ZNF41: variants seen among roughly 807,000 people sequenced by gnomAD.
ZNF41 encodes the protein zinc finger protein 41.
ZNF41 carries 6 observed loss-of-function variants against 9.3 expected under a neutral mutation model. The observed-to-expected ratio is 0.65, with a 90% CI of 0.35 to 1.28. The LOEUF (loss-of-function observed/expected upper bound fraction) is 1.28. ZNF41 is among the 50% of genes most tolerant of loss of function. The pLI, the probability that ZNF41 is intolerant of heterozygous loss-of-function variation, is 0.03. For missense variants in ZNF41, 523 were observed against 585.8 expected (o/e 0.89, Z 1.11); for synonymous variants, 192 against 207.1 (o/e 0.93, Z 0.63).
At chrX:47,476,300 C>A (rs560371532) in intron 1 of ZNF41, among the ~76,000 whole-genome samples, 1 of 111,187 alleles carries the variant, frequency 9.0e-6, no homozygotes, top group African/African-American at 3.3e-5. Context: ...TTGCAGTGAG[C>A]CGAGATGGCA....
chrX:47,458,695 C>T (rs774883462), intron 2 of ZNF41, among the ~76,000 whole-genome samples: 4 of 111,107 alleles, frequency 3.6e-5, no homozygotes, highest in African/African-American at 6.5e-5. Context: ...GTCACCCAGG[C>T]TAGGGTGCAG....
rs780146586 is a variant in ZNF41, at chrX:47,458,140, G to A, written c.73-1742C>T. On this transcript the variant is annotated intron_variant, in intron 2 of 4. Transcript: ENST00000684689. ...ATTTGGGAGTTCTCATATAGAGCTGGGAAACAGATGAGACGAACCAGGAAG... is the reference window on the plus strand; with the variant it reads ...ATTTGGGAGTTCTCATATAGAGCTGAGAAACAGATGAGACGAACCAGGAAG... Among the ~76,000 whole-genome samples the A allele has an allele frequency of 1.7e-3, 195 of 111,581 alleles. 1 individual carries two copies. Among genetic ancestry groups the A allele is most frequent in the Middle Eastern group, 4.6e-3 (1 of 216 alleles).
Position 47,445,269 on chromosome X carries a change from T to TA in ZNF41, c.*2160dup, listed in dbSNP as rs2056078376. ...TTCACATGTACTAGGATAGCTATAATAAAAAAGACTAATAATAATAAGAGT... is the reference window on the plus strand; with the variant it reads ...TTCACATGTACTAGGATAGCTATAATAAAAAAAGACTAATAATAATAAGAGT... On this transcript the variant is annotated 3_prime_UTR_variant, in exon 5 of 5. Coordinates refer to ENST00000684689, the MANE Select transcript of ZNF41 (RefSeq NM_001324144.2). Among the ~76,000 whole-genome samples the TA allele has an allele frequency of 1.8e-5, 2 of 111,289 alleles. No homozygotes were observed. Among genetic ancestry groups the TA allele is most frequent in the Admixed American group, 9.6e-5 (1 of 10,387 alleles).
chrX:47,471,092 G>A (rs2057178117), intron 1 of ZNF41, among the ~76,000 whole-genome samples: 1 of 111,088 alleles, frequency 9.0e-6, no homozygotes, highest in Admixed American at 9.6e-5. Flanking sequence ...CATGTGGTAT[G>A]TGTTAGAGTC....
intron 4 of ZNF41, among the ~76,000 whole-genome samples, chrX:47,455,277 T>A (rs4297169): frequency 0.35 from 31,390 of 88,752 alleles, 5,573 homozygotes; most frequent in African/African-American, 0.51. Context: ...AAATAAAAAT[T>A]AAAATTAAAA....
chrX:47,468,820 A>C (rs2057075615), intron 1 of ZNF41, among the ~76,000 whole-genome samples: 1 of 111,303 alleles, frequency 9.0e-6, no homozygotes, highest in Non-Finnish European at 1.9e-5. Flanking sequence ...ATGACCTCAG[A>C]TACTGACATT....
intron 2 of ZNF41, among the ~76,000 whole-genome samples, chrX:47,457,941 C>T (rs2056631932): frequency 8.9e-6 from 1 of 112,243 alleles, no homozygotes; most frequent in Non-Finnish European, 1.9e-5. Flanking sequence ...TCTCAGTTAT[C>T]GGTTTTGTAC....
At chrX:47,467,244 G>A (rs1433265580) in intron 2 of ZNF41, 166 bp downstream of exon 2, 2 of 1,091,319 alleles carry the variant, frequency 1.8e-6, no homozygotes, top group East Asian at 3.3e-5. Context: ...CATCAGCCAA[G>A]TGGTGCTCAC....
At chrX:47,475,082 A>C (rs982675097) in intron 1 of ZNF41, among the ~76,000 whole-genome samples, 2 of 101,703 alleles carry the variant, frequency 2.0e-5, no homozygotes, top group African/African-American at 7.1e-5. Flanking sequence ...CGGGAGGTTG[A>C]AAAAAAAAAA....
chrX:47,469,310 CAAAAA>C (rs749426044), intron 1 of ZNF41, among the ~76,000 whole-genome samples: 1 of 35,936 alleles, frequency 2.8e-5, no homozygotes, highest in African/African-American at 1.0e-4. Context: ...GACTCCGTCT[CAAAAA>C]AAAAAAAAAA....
rs1159428938 is a variant in ZNF41 at position 47,447,335 on chromosome X, T to G, written c.*95A>C. The G allele has an allele frequency of 4.0e-5, 45 of 1,117,949 alleles. No individual in the cohort carries two copies. The highest frequency in any genetic ancestry group is 5.4e-5 in the Non-Finnish European group (44 of 821,768). The allele number at this position is 1,117,949 out of a possible 1,213,427, so 92.1% of individuals were successfully genotyped here. ...CAAGCCTCAGTCTCTCATACCCATT[T>G]CCCCCTGTACAATGATTGCAGCAAC... is the stretch of plus-strand genomic sequence containing the variant. On this transcript the variant is annotated 3_prime_UTR_variant, in exon 5 of 5. Transcript: ENST00000684689.
intron 2 of ZNF41, 80 bp from the exon 3 acceptor site, chrX:47,456,478 T>C: frequency 1.7e-6 from 2 of 1,181,855 alleles, no homozygotes; most frequent in East Asian, 3.0e-5. Flanking sequence ...TTGTTTTTAA[T>C]GCTTTTTACC....
intron 2 of ZNF41, among the ~76,000 whole-genome samples, chrX:47,460,198 G>A (rs933823516): frequency 8.9e-5 from 10 of 112,190 alleles, no homozygotes; most frequent in Admixed American, 6.7e-4. Context: ...CTGGAAGGTG[G>A]AGGCTGCAGT....
At chrX:47,456,156 C>T (rs763291873) in intron 3 of ZNF41, 116 bp downstream of exon 3, 2 of 1,090,216 alleles carry the variant, frequency 1.8e-6, no homozygotes, top group Non-Finnish European at 2.5e-6. Context: ...TGAAAAGGAA[C>T]TGAATCCCAG....
At chrX:47,466,725 G>A (rs923662161) in intron 2 of ZNF41, among the ~76,000 whole-genome samples, 3 of 109,966 alleles carry the variant, frequency 2.7e-5, no homozygotes, top group East Asian at 5.7e-4. Flanking sequence ...CGCCACGTTG[G>A]TCAGGCTGGT....
rs1371578534 is a variant in ZNF41 at position 47,455,944 on chromosome X, T to TC, written c.271dup (p.Glu91GlyfsTer10). 8.3e-7 allele frequency: 1 copy of TC among 1,209,005 alleles called. No homozygotes were observed. The highest frequency in any genetic ancestry group is 1.1e-6 in the Non-Finnish European group (1 of 894,678). ...ACCTGAACAGCTCTGATGTGGGGCTTCCCCCTCCAGCATCCATGGCCCCTC... is the reference window on the plus strand; with the variant it reads ...ACCTGAACAGCTCTGATGTGGGGCTTCCCCCCTCCAGCATCCATGGCCCCTC... On this transcript the variant is annotated frameshift_variant, in exon 4 of 5. Coordinates refer to ENST00000684689, the MANE Select transcript of ZNF41 (RefSeq NM_001324144.2). LOFTEE classifies it low-confidence loss of function (END_TRUNC).
Position 47,453,841 on chromosome X carries a change from G to C in ZNF41, c.295+2080C>G, listed in dbSNP as rs553606508. Among the ~76,000 whole-genome samples the C allele has an allele frequency of 5.4e-5, 6 of 111,845 alleles. No individual in the cohort carries two copies. In the South Asian group the frequency reaches 2.2e-3, roughly 42 times the overall value. On this transcript the variant is annotated intron_variant, in intron 4 of 4. Transcript: ENST00000684689. ...AATCCCAGCACTTTGGGAGGCTGAG[G>C]CAGGCAGATCACTTGAGGTCAGGAG...
chrX:47,482,232 C>A (rs146791852), intron 1 of ZNF41, among the ~76,000 whole-genome samples: 23 of 110,065 alleles, frequency 2.1e-4, no homozygotes, highest in African/African-American at 7.3e-4. Flanking sequence ...GGCTACCCAT[C>A]AACTTTCTCT....
intron 1 of ZNF41, among the ~76,000 whole-genome samples, chrX:47,469,110 G>C (rs930687560): frequency 1.9e-5 from 2 of 106,720 alleles, no homozygotes; most frequent in Non-Finnish European, 3.9e-5. Context: ...AGGAGATCGA[G>C]ACCATCCCGG....
Sources: allele counts gnomAD v4.1 joint callset (sites outside exome capture counted in the v4.1 genomes callset), GRCh38; gene constraint gnomAD v4.1.1; transcripts MANE v1.5; gene names NCBI Gene and HGNC (gene_info 2026-07-23, HGNC 2026-07-21).